The following MEGF11 variants were observed in gnomAD, a reference collection of about 807,000 sequenced individuals.
MEGF11 encodes the protein multiple EGF like domains 11.
Under a neutral mutation model 146.6 loss-of-function variants are expected in MEGF11, and 126 were observed. The ratio of observed to expected loss-of-function variants is 0.86; its 90% CI spans 0.74 to 1.00. The LOEUF (loss-of-function observed/expected upper bound fraction) is 1.00. Among genes scored for constraint, MEGF11 ranks in the 50% least tolerant of loss-of-function variants. The pLI is 0.00. For synonymous variants in MEGF11, 532 were observed against 583.4 expected, an observed-to-expected ratio of 0.91 and a Z score of 1.27; for missense variants, 1,509 against 1,521.2, an observed-to-expected ratio of 0.99 and a Z score of 0.13.
intron 5 of MEGF11, among the ~76,000 whole-genome samples, chr15:66,050,469 G>A (rs1007149684): frequency 3.3e-5 from 5 of 152,180 alleles, no homozygotes; most frequent in Non-Finnish European, 7.4e-5. Context: ...AAGGCCCTGA[G>A]GTTCCTGAGA....
intron 4 of MEGF11, among the ~76,000 whole-genome samples, chr15:66,100,113 C>T (rs545789471): frequency 3.9e-4 from 59 of 152,342 alleles, no homozygotes; most frequent in Non-Finnish European, 7.4e-4. Flanking sequence ...CCAAGGTCCC[C>T]CTGCCCCCGT....
At chr15:66,000,556 C>T (rs550348356) in intron 5 of MEGF11, among the ~76,000 whole-genome samples, 1 of 152,032 alleles carries the variant, frequency 6.6e-6, no homozygotes, top group East Asian at 1.9e-4. Context: ...GCAAAAGCAC[C>T]AGCTTCAGGG....
At chr15:65,933,863 G>T (rs2079665559) in intron 10 of MEGF11, among the ~76,000 whole-genome samples, 1 of 152,162 alleles carries the variant, frequency 6.6e-6, no homozygotes, top group Non-Finnish European at 1.5e-5. Flanking sequence ...GAATTAAAAT[G>T]TCCTCTTCTC....
intron 7 of MEGF11, among the ~76,000 whole-genome samples, chr15:65,974,915 G>A (rs1285092425): frequency 6.6e-6 from 1 of 151,718 alleles, no homozygotes; most frequent in South Asian, 2.1e-4. Context: ...ATGTGATCTC[G>A]GCTCATGGCA....
At chr15:66,069,637 G>A (rs1462377717) in intron 5 of MEGF11, among the ~76,000 whole-genome samples, 1 of 152,188 alleles carries the variant, frequency 6.6e-6, no homozygotes, top group African/African-American at 2.4e-5. Flanking sequence ...TCAGCATTTA[G>A]CCCAGACTGC....
intron 5 of MEGF11, among the ~76,000 whole-genome samples, chr15:66,008,411 GCACACACACACA>G (rs995843726): frequency 9.6e-5 from 5 of 52,058 alleles, no homozygotes; most frequent in African/African-American, 2.4e-4. Context: ...ACGCGCGCGC[GCACACACACACA>G]CACACACACA....
chr15:66,030,265 C>T (rs947807072), intron 5 of MEGF11, among the ~76,000 whole-genome samples: 1 of 152,226 alleles, frequency 6.6e-6, no homozygotes, highest in Admixed American at 6.5e-5. Context: ...CCACATCACA[C>T]CCAGTGCATA....
chr15:66,029,012 G>A (rs1419772990), intron 5 of MEGF11, among the ~76,000 whole-genome samples: 1 of 152,208 alleles, frequency 6.6e-6, no homozygotes, highest in African/African-American at 2.4e-5. Context: ...AGAGAGAGGA[G>A]GGGAGAAGGG....
chr15:66,039,190 C>T (rs185253134), intron 5 of MEGF11, among the ~76,000 whole-genome samples: 120 of 152,314 alleles, frequency 7.9e-4, no homozygotes, highest in African/African-American at 2.5e-3. Flanking sequence ...CGAAAAACAT[C>T]GCCCTTGAGC....
Position 66,119,702 on chromosome 15 carries a change from T to TAG in MEGF11, c.201-518_201-517dup, listed in dbSNP as rs536787839. ...TTGAGTCCAACTCAGTCCCGGAGAG[T>TAG]AGATTAATCTCCCCCACACCAAAAA... On this transcript the variant is annotated intron_variant, in intron 3 of 25. Transcript: ENST00000395614. Among the ~76,000 whole-genome samples, 61 of 150,414 alleles carry TAG rather than the reference T, an allele frequency of 4.1e-4. No homozygotes were observed. The South Asian group carries it at 0.013, about 31-fold the overall frequency.
At chr15:66,026,453 T>C (rs375101288) in intron 5 of MEGF11, among the ~76,000 whole-genome samples, 19 of 152,308 alleles carry the variant, frequency 1.2e-4, no homozygotes, top group African/African-American at 4.6e-4. Context: ...CAGTGCAGGA[T>C]GTGGAGCCTG....
intron 10 of MEGF11, among the ~76,000 whole-genome samples, chr15:65,945,194 C>T (rs1192980486): frequency 1.3e-5 from 2 of 152,224 alleles, no homozygotes; most frequent in East Asian, 3.9e-4. Context: ...CCGTGCCCAG[C>T]CCCTTGGGTT....
At chr15:66,031,286 T>C (rs755615351) in intron 5 of MEGF11, among the ~76,000 whole-genome samples, 1 of 152,214 alleles carries the variant, frequency 6.6e-6, no homozygotes, top group South Asian at 2.1e-4. Flanking sequence ...GATTTGCTCA[T>C]TGGCACACAG....
chr15:65,922,674 CAG>C, intron 14 of MEGF11, 147 bp downstream of exon 14: 1 of 1,243,120 alleles, frequency 8.0e-7, no homozygotes, highest in Non-Finnish European at 1.1e-6. Flanking sequence ...AACCTGGGGA[CAG>C]AACTGCAGAG....
At chr15:65,995,489 C>T (rs747350687) in intron 5 of MEGF11, among the ~76,000 whole-genome samples, 4 of 152,218 alleles carry the variant, frequency 2.6e-5, no homozygotes, top group Non-Finnish European at 5.9e-5. Flanking sequence ...GGTTGCTAAA[C>T]GTTTACTCTC....
intron 10 of MEGF11, among the ~76,000 whole-genome samples, chr15:65,943,310 T>G (rs1384684035): frequency 6.6e-6 from 1 of 152,124 alleles, no homozygotes; most frequent in Non-Finnish European, 1.5e-5. Context: ...CCAAAAAAAT[T>G]GCCTCTAAAC....
chr15:66,083,646 AC>A (rs1243358063), intron 5 of MEGF11, among the ~76,000 whole-genome samples: 1 of 152,086 alleles, frequency 6.6e-6, no homozygotes, highest in African/African-American at 2.4e-5. Context: ...AAAAAAAAAA[AC>A]TTTTATATAT....
chr15:65,931,700 C>G (rs1395657189), intron 10 of MEGF11, among the ~76,000 whole-genome samples: 5 of 152,220 alleles, frequency 3.3e-5, no homozygotes, highest in Non-Finnish European at 7.3e-5. Context: ...AATCTTATTT[C>G]TCACCCATAA....
intron 1 of MEGF11, among the ~76,000 whole-genome samples, chr15:66,198,042 C>T (rs1217151281): frequency 6.6e-6 from 1 of 152,194 alleles, no homozygotes; most frequent in Non-Finnish European, 1.5e-5. Flanking sequence ...CTGGGCACTA[C>T]AGTGAGACCC....
Sources: gnomAD v4.1 joint callset for allele counts (sites outside exome capture counted in the v4.1 genomes callset) on GRCh38, gnomAD v4.1.1 for gene constraint, MANE v1.5 for transcripts, NCBI Gene and HGNC (gene_info 2026-07-23, HGNC 2026-07-21) for gene names.